Variants in SLC4A4 observed in about 807,000 individuals in gnomAD.
SLC4A4 encodes the protein solute carrier family 4 member 4.
In SLC4A4, 27 loss-of-function variants were observed where a neutral mutation model predicts 111.5. The ratio of observed to expected loss-of-function variants is 0.24; its 90% CI spans 0.18 to 0.33. The LOEUF (loss-of-function observed/expected upper bound fraction) is 0.33, where lower values mean the gene tolerates loss of function less well. SLC4A4 is among the 10% of genes least tolerant of loss of function. SLC4A4 has a pLI of 1.00. For missense variants in SLC4A4, 909 were observed against 1,315.5 expected (o/e 0.69, Z 4.78); for synonymous variants, 443 against 463.4 (o/e 0.96, Z 0.57).
chr4:71,483,797 A>G (rs1328800367), intron 14 of SLC4A4, among the ~76,000 whole-genome samples: 1 of 152,004 alleles, frequency 6.6e-6, no homozygotes, highest in Non-Finnish European at 1.5e-5. Flanking sequence ...CCAACAGTGT[A>G]TAAGTGTTCC....
In SLC4A4 at chr4:71,088,350, C is replaced by G. The variant is rs571988050; in HGVS notation, c.-64-4380C>G. On this transcript the variant is annotated intron_variant, in intron 1 of 26. Transcript: ENST00000649996. The stretch of plus-strand genomic sequence containing the variant: ...TATAGCACACTGATGGGTCTTGACT[C>G]TTTATCCAATTTGCCAGTCTGTGTC... 1.1e-4 allele frequency among the ~76,000 whole-genome samples: 17 copies of G among 151,842 alleles called. No individual in the cohort carries two copies. In the South Asian group the frequency reaches 3.3e-3, roughly 30 times the overall value.
At chr4:71,150,530 C>T (rs563679620) in intron 2 of SLC4A4, among the ~76,000 whole-genome samples, 10 of 152,032 alleles carry the variant, frequency 6.6e-5, no homozygotes, top group Admixed American at 2.0e-4. Context: ...CAACTAAATG[C>T]GTTACCTAAA....
chr4:71,168,369 G>T (rs1424928508), intron 2 of SLC4A4, among the ~76,000 whole-genome samples: 1 of 151,770 alleles, frequency 6.6e-6, no homozygotes, highest in African/African-American at 2.4e-5. Context: ...TTCTAGTAGA[G>T]ATGGGGTTTC....
chr4:71,168,024 A>AT (rs1199210194), intron 2 of SLC4A4, among the ~76,000 whole-genome samples: 4 of 151,270 alleles, frequency 2.6e-5, no homozygotes, highest in Admixed American at 2.0e-4. Context: ...AAATTTTTAT[A>AT]ATTTTTGTGA....
intron 1 of SLC4A4, among the ~76,000 whole-genome samples, chr4:71,208,996 G>A (rs187657040): frequency 2.6e-4 from 39 of 152,152 alleles, no homozygotes; most frequent in East Asian, 1.4e-3. Context: ...ATTTGGTTAC[G>A]CTAGAAACCT....
At chr4:71,324,831 T>C (rs1452381607) in intron 3 of SLC4A4, among the ~76,000 whole-genome samples, 1 of 151,976 alleles carries the variant, frequency 6.6e-6, no homozygotes, top group Non-Finnish European at 1.5e-5. Context: ...TAAACTCTAG[T>C]TTTTATCACC....
At chr4:71,388,575 G>T (rs1021112437) in intron 6 of SLC4A4, among the ~76,000 whole-genome samples, 1 of 151,796 alleles carries the variant, frequency 6.6e-6, no homozygotes, top group Non-Finnish European at 1.5e-5. Context: ...TTGGGGTCTT[G>T]CTTTGTTGCC....
intron 21 of SLC4A4, among the ~76,000 whole-genome samples, chr4:71,557,359 C>G (rs1335419156): frequency 6.6e-6 from 1 of 151,842 alleles, no homozygotes; most frequent in Non-Finnish European, 1.5e-5. Flanking sequence ...AGACATCTTC[C>G]TTCAGCATAT....
At chr4:71,339,214 T>C (rs1728685239) in intron 3 of SLC4A4, 156 bp from the exon 4 acceptor site, 2 of 1,614,088 alleles carry the variant, frequency 1.2e-6, no homozygotes, top group South Asian at 2.2e-5. Flanking sequence ...TCTTTTTGGC[T>C]TTAGATTGGG....
intron 15 of SLC4A4, 46 bp downstream of exon 15, chr4:71,487,064 T>TATAAACAA: frequency 9.0e-7 from 1 of 1,109,894 alleles, no homozygotes; most frequent in Non-Finnish European, 1.4e-6. Context: ...GACTGCATAT[T>TATAAACAA]GTATACTTGT....
intron 6 of SLC4A4, among the ~76,000 whole-genome samples, chr4:71,369,084 C>T (rs755997454): frequency 1.6e-4 from 24 of 152,068 alleles, no homozygotes; most frequent in Non-Finnish European, 8.8e-5. Flanking sequence ...CCTAGCAACC[C>T]GCACCTTGGA....
At chr4:71,486,131 T>G (rs1729378402) in intron 14 of SLC4A4, among the ~76,000 whole-genome samples, 1 of 151,574 alleles carries the variant, frequency 6.6e-6, no homozygotes, top group Non-Finnish European at 1.5e-5. Flanking sequence ...CCCTGATGTG[T>G]TGTTTTATAA....
intron 6 of SLC4A4, among the ~76,000 whole-genome samples, chr4:71,366,183 C>T (rs1174904346): frequency 2.0e-5 from 3 of 152,118 alleles, no homozygotes; most frequent in Middle Eastern, 3.2e-3. Context: ...GTGCCGAGTG[C>T]ATAGGAAGCA....
intron 3 of SLC4A4, among the ~76,000 whole-genome samples, chr4:71,332,284 TC>T (rs1728062646): frequency 6.6e-6 from 1 of 152,106 alleles, no homozygotes; most frequent in African/African-American, 2.4e-5. Flanking sequence ...TTGAAGTTTT[TC>T]TACTTTTTAA....
At chr4:71,459,348 G>A (rs944384891) in intron 12 of SLC4A4, among the ~76,000 whole-genome samples, 2 of 151,880 alleles carry the variant, frequency 1.3e-5, no homozygotes, top group East Asian at 1.9e-4. Flanking sequence ...AAAAAATTAC[G>A]TAGAAGGTAA....
At chr4:71,084,528 A>G (rs1426255873) in intron 1 of SLC4A4, among the ~76,000 whole-genome samples, 2 of 151,916 alleles carry the variant, frequency 1.3e-5, no homozygotes, top group African/African-American at 4.8e-5. Flanking sequence ...AACATTAGGT[A>G]TATCTCCTAA....
chr4:71,264,872 C>T (rs771790714), intron 3 of SLC4A4, among the ~76,000 whole-genome samples: 15 of 152,058 alleles, frequency 9.9e-5, no homozygotes, highest in Non-Finnish European at 2.1e-4. Flanking sequence ...GCAAAAGATA[C>T]GCTGGTTAAG....
chr4:71,181,823 G>C (rs1745303918), intron 2 of SLC4A4, among the ~76,000 whole-genome samples: 1 of 152,146 alleles, frequency 6.6e-6, no homozygotes, highest in African/African-American at 2.4e-5. Context: ...CTTGAAAGCA[G>C]CTGTCCCTTG....
At chr4:71,467,434 A>G (rs560326059) in intron 13 of SLC4A4, among the ~76,000 whole-genome samples, 7 of 152,256 alleles carry the variant, frequency 4.6e-5, no homozygotes, top group Non-Finnish European at 1.5e-5. Context: ...TATCCTAGGC[A>G]CTTTACATGT....
Sources: allele counts gnomAD v4.1 joint callset (sites outside exome capture counted in the v4.1 genomes callset), GRCh38; gene constraint gnomAD v4.1.1; transcripts MANE v1.5; gene names NCBI Gene and HGNC (gene_info 2026-07-23, HGNC 2026-07-21).